UBE2L3: variants seen among roughly 807,000 people sequenced by gnomAD.
UBE2L3 encodes the protein ubiquitin-conjugating enzyme E2 L3.
UBE2L3 carries 1 observed loss-of-function variant against 17.8 expected under a neutral mutation model. That is an observed-to-expected ratio of 0.06 (90% CI 0.02 to 0.27). The LOEUF (loss-of-function observed/expected upper bound fraction) is 0.27, where lower values mean the gene tolerates loss of function less well. Ranked by LOEUF, UBE2L3 falls within the 10% of genes least tolerant of loss-of-function variation. UBE2L3 has a pLI of 1.00. For synonymous variants in UBE2L3, 44 were observed against 68.5 expected (o/e 0.64, Z 1.76); for missense variants, 40 against 192.6 (o/e 0.21, Z 4.69).
At chr22:21,614,482 C>G in intron 3 of UBE2L3, 3 of 943,410 alleles carry the variant, frequency 3.2e-6, no homozygotes, top group Non-Finnish European at 3.1e-6. Context: ...CACCCTCCTG[C>G]TGTAATCTTC....
intron 2 of UBE2L3, among the ~76,000 whole-genome samples, chr22:21,596,006 C>G (rs1928500638): frequency 6.6e-6 from 1 of 152,006 alleles, no homozygotes; most frequent in Non-Finnish European, 1.5e-5. Context: ...GCTGGGACTA[C>G]AGGTGCGCAC....
chr22:21,574,538 T>G (rs767496496), intron 1 of UBE2L3, among the ~76,000 whole-genome samples: 1 of 152,132 alleles, frequency 6.6e-6, no homozygotes, highest in Non-Finnish European at 1.5e-5. Context: ...CAAAGGTGTT[T>G]TCGGGACAGG....
At position 21,605,481 on chromosome 22, in the gene UBE2L3, G is replaced by T. The variant is rs115434392; in HGVS notation, c.124-5376G>T. Among the ~76,000 whole-genome samples the T allele has an allele frequency of 3.6e-3, 545 of 151,988 alleles. 3 individuals carry two copies. Among genetic ancestry groups the T allele is most frequent in the African/African-American group, 0.013 (520 of 41,504 alleles). On this transcript the variant is annotated intron_variant, in intron 2 of 3. Coordinates refer to ENST00000342192, the MANE Select transcript of UBE2L3 (RefSeq NM_003347.4). ...ATCCACCTGCCTCGGCCTTTTTTTA[G>T]TATAGATAGGGTTTCTTTTTTTTCT... is the stretch of plus-strand genomic sequence containing the variant.
intron 3 of UBE2L3, among the ~76,000 whole-genome samples, chr22:21,613,600 G>A (rs1056999093): frequency 2.0e-5 from 3 of 152,136 alleles, no homozygotes; most frequent in Admixed American, 6.6e-5. Context: ...ACATTCCCAT[G>A]TTTGTTATCT....
chr22:21,595,638 T>C (rs1928474301), intron 2 of UBE2L3, among the ~76,000 whole-genome samples: 1 of 152,250 alleles, frequency 6.6e-6, no homozygotes, highest in Non-Finnish European at 1.5e-5. Context: ...AACTCTGGTC[T>C]ATTCCCTTTA....
intron 3 of UBE2L3, chr22:21,614,422 T>G (rs1929658460): frequency 2.1e-6 from 1 of 478,104 alleles, no homozygotes; most frequent in Non-Finnish European, 3.8e-6. Context: ...AAACCCCGTC[T>G]GTACCAAAAA....
chr22:21,592,716 C>G, intron 1 of UBE2L3, 145 bp from the exon 2 acceptor site: 1 of 679,284 alleles, frequency 1.5e-6, no homozygotes, highest in South Asian at 1.8e-5. Context: ...GCCTCCTTAA[C>G]CACTCCAAGC....
intron 1 of UBE2L3, among the ~76,000 whole-genome samples, chr22:21,574,184 A>G (rs1927137035): frequency 6.6e-6 from 1 of 152,092 alleles, no homozygotes; most frequent in Admixed American, 6.5e-5. Flanking sequence ...CCACCCCTAT[A>G]AGAAAGGGAG....
At chr22:21,614,380 A>G (rs1467067891) in intron 3 of UBE2L3, among the ~76,000 whole-genome samples, 1 of 151,656 alleles carries the variant, frequency 6.6e-6, no homozygotes, top group African/African-American at 2.4e-5. Flanking sequence ...GCTTGAGCCA[A>G]GGAGTTTGAG....
At chr22:21,557,240 GCCTGTAGT>G (rs146180562) in intron 1 of UBE2L3, among the ~76,000 whole-genome samples, 8,949 of 148,940 alleles carry the variant, frequency 0.06, 27 homozygotes, top group Non-Finnish European at 0.088. Context: ...GGTGGTGCAC[GCCTGTAGT>G]CCCAGCTATT....
At chr22:21,614,288 G>A (rs943507777) in intron 3 of UBE2L3, among the ~76,000 whole-genome samples, 11 of 152,250 alleles carry the variant, frequency 7.2e-5, no homozygotes, top group African/African-American at 2.6e-4. Context: ...TTAAATATGG[G>A]AAGTGAAAGT....
At chr22:21,568,499 A>G in intron 1 of UBE2L3, 2 of 919,532 alleles carry the variant, frequency 2.2e-6, no homozygotes, top group Non-Finnish European at 2.6e-6. Flanking sequence ...TTGGGGGGAT[A>G]ACGGTTGATT....
intron 2 of UBE2L3, among the ~76,000 whole-genome samples, chr22:21,600,865 A>G (rs1008782224): frequency 1.3e-5 from 2 of 152,050 alleles, no homozygotes; most frequent in South Asian, 4.1e-4. Flanking sequence ...TTTTCAGAAG[A>G]GACAATAAAT....
chr22:21,602,350 C>T (rs1248705646), intron 2 of UBE2L3, among the ~76,000 whole-genome samples: 1 of 152,132 alleles, frequency 6.6e-6, no homozygotes, highest in Non-Finnish European at 1.5e-5. Flanking sequence ...AGGAACACAC[C>T]ACAAGGACGT....
intron 1 of UBE2L3, among the ~76,000 whole-genome samples, chr22:21,574,249 T>G (rs1439414783): frequency 2.0e-5 from 3 of 152,150 alleles, no homozygotes; most frequent in Non-Finnish European, 4.4e-5. Context: ...AGCATAGCAG[T>G]TAAAAGCTCA....
chr22:21,599,177 C>T (rs1186552548), intron 2 of UBE2L3, among the ~76,000 whole-genome samples: 1 of 152,152 alleles, frequency 6.6e-6, no homozygotes, highest in Non-Finnish European at 1.5e-5. Context: ...CTCCGGATGC[C>T]TCATTCCTCC....
At chr22:21,603,786 G>A (rs1435242846) in intron 2 of UBE2L3, among the ~76,000 whole-genome samples, 3 of 150,644 alleles carry the variant, frequency 2.0e-5, no homozygotes, top group Non-Finnish European at 4.4e-5. Context: ...GCAGTGAGCC[G>A]AGATTGCGCC....
intron 2 of UBE2L3, among the ~76,000 whole-genome samples, chr22:21,609,017 C>G (rs1428079324): frequency 2.0e-5 from 3 of 152,048 alleles, no homozygotes; most frequent in Non-Finnish European, 4.4e-5. Flanking sequence ...GCCTCAGCCT[C>G]CTGAGTAGCT....
At chr22:21,552,855 C>T (rs1926119925) in intron 1 of UBE2L3, among the ~76,000 whole-genome samples, 1 of 131,818 alleles carries the variant, frequency 7.6e-6, no homozygotes, top group South Asian at 2.5e-4. Flanking sequence ...TCTCAAGTAG[C>T]TGGGACTACA....
Sources: gnomAD v4.1 joint callset for allele counts (sites outside exome capture counted in the v4.1 genomes callset) on GRCh38, gnomAD v4.1.1 for gene constraint, MANE v1.5 for transcripts, NCBI Gene and HGNC (gene_info 2026-07-23, HGNC 2026-07-21) for gene names.